Variants in ANTXR1 observed in about 807,000 individuals in gnomAD.
ANTXR1 encodes anthrax toxin receptor 1.
Under a neutral mutation model 78.1 loss-of-function variants are expected in ANTXR1, and 19 were observed. That is an observed-to-expected ratio of 0.24 (90% CI 0.17 to 0.36). The LOEUF (loss-of-function observed/expected upper bound fraction) is 0.36. Ranked by LOEUF, ANTXR1 falls within the 10% of genes least tolerant of loss-of-function variation. ANTXR1 has a pLI of 1.00. For missense variants in ANTXR1, 518 were observed against 718.6 expected (o/e 0.72, Z 3.19); for synonymous variants, 273 against 260.5 (o/e 1.05, Z -0.46).
intron 16 of ANTXR1, among the ~76,000 whole-genome samples, chr2:69,185,153 A>G (rs1258166046): frequency 6.6e-6 from 1 of 152,240 alleles, no homozygotes; most frequent in Non-Finnish European, 1.5e-5. Context: ...AGAACTTGTT[A>G]GAAATGGACA....
chr2:69,161,270 A>G (rs1225525914), intron 13 of ANTXR1, among the ~76,000 whole-genome samples: 3 of 152,188 alleles, frequency 2.0e-5, no homozygotes, highest in African/African-American at 7.2e-5. Context: ...CCTGTGGACT[A>G]ATGGTAAAGC....
chr2:69,122,919 G>A (rs1160160255), intron 10 of ANTXR1, 98 bp from the exon 11 acceptor site: 1 of 1,319,978 alleles, frequency 7.6e-7, no homozygotes, highest in East Asian at 2.3e-5. Flanking sequence ...TGTTTTTTTG[G>A]TATCTCCCTG....
chr2:69,061,740 C>T (rs1399304793), intron 3 of ANTXR1, among the ~76,000 whole-genome samples: 1 of 151,980 alleles, frequency 6.6e-6, no homozygotes, highest in African/African-American at 2.4e-5. Context: ...GATGTGGGAT[C>T]AAAGAGGACT....
chr2:69,195,443 T>C (rs2104478633), intron 17 of ANTXR1, among the ~76,000 whole-genome samples: 1 of 152,314 alleles, frequency 6.6e-6, no homozygotes, highest in Non-Finnish European at 1.5e-5. Flanking sequence ...TGGTCTAAAG[T>C]TTCATAGTTT....
intron 3 of ANTXR1, among the ~76,000 whole-genome samples, chr2:69,065,600 T>C (rs571823184): frequency 6.6e-4 from 101 of 152,272 alleles, no homozygotes; most frequent in African/African-American, 2.3e-3. Context: ...AACAAATATC[T>C]GGGCATGTTA....
At chr2:69,123,187 C>T in intron 11 of ANTXR1, 101 bp downstream of exon 11, 1 of 1,223,474 alleles carries the variant, frequency 8.2e-7, no homozygotes, top group Non-Finnish European at 1.2e-6. Context: ...TGGAGCCTTT[C>T]TCTAGGTTCC....
chr2:69,079,513 C>CAAT (rs1558523481), intron 8 of ANTXR1, among the ~76,000 whole-genome samples: 3 of 151,228 alleles, frequency 2.0e-5, no homozygotes, highest in African/African-American at 7.3e-5. Context: ...ACTCAGGGGT[C>CAAT]AATAATAATA....
At chr2:69,143,761 A>G (rs1189630012) in intron 12 of ANTXR1, among the ~76,000 whole-genome samples, 2 of 152,170 alleles carry the variant, frequency 1.3e-5, no homozygotes, top group Non-Finnish European at 2.9e-5. Flanking sequence ...AAAGAGGAGG[A>G]AAAAGATGAC....
intron 12 of ANTXR1, among the ~76,000 whole-genome samples, chr2:69,126,494 G>A (rs1672545030): frequency 1.3e-5 from 2 of 152,102 alleles, no homozygotes; most frequent in African/African-American, 4.8e-5. Context: ...CTGCCAACCT[G>A]CAGGAAATGA....
At chr2:69,188,382 A>G (rs1230467509) in intron 16 of ANTXR1, among the ~76,000 whole-genome samples, 4 of 152,220 alleles carry the variant, frequency 2.6e-5, no homozygotes, top group Non-Finnish European at 2.9e-5. Flanking sequence ...GGCATGTGCC[A>G]CCGTGCCCGG....
At chr2:69,187,959 G>A (rs1674460584) in intron 16 of ANTXR1, among the ~76,000 whole-genome samples, 1 of 138,560 alleles carries the variant, frequency 7.2e-6, no homozygotes, top group African/African-American at 2.7e-5. Flanking sequence ...ACTACTCTCA[G>A]AATTCTCAAT....
Position 69,210,873 on chromosome 2 carries a change from T to G in ANTXR1, c.1434+17458T>G, listed in dbSNP as rs190986868. ...ATCACTTGAACATGGGAGGTGGAGG[T>G]TGCAGTGAGCTGAGATCGTGCCACT... On this transcript the variant is annotated intron_variant, in intron 17 of 17. Coordinates refer to ENST00000303714, the MANE Select transcript of ANTXR1 (RefSeq NM_032208.3). 4.4e-3 allele frequency among the ~76,000 whole-genome samples: 651 copies of G among 149,184 alleles called. 4 individuals carry two copies. The highest frequency in any genetic ancestry group is 0.016 in the African/African-American group (623 of 40,164).
At chr2:69,026,439 A>G (rs763991770) in intron 1 of ANTXR1, among the ~76,000 whole-genome samples, 1 of 152,246 alleles carries the variant, frequency 6.6e-6, no homozygotes, top group Non-Finnish European at 1.5e-5. Flanking sequence ...GCTAGCTGTT[A>G]TTATTAAGTG....
intron 17 of ANTXR1, among the ~76,000 whole-genome samples, chr2:69,199,009 G>T (rs757527690): frequency 3.3e-5 from 5 of 152,216 alleles, no homozygotes; most frequent in Non-Finnish European, 7.3e-5. Flanking sequence ...TCATCAGAAA[G>T]AATTGAAGGA....
intron 13 of ANTXR1, among the ~76,000 whole-genome samples, chr2:69,161,323 T>A (rs1423032416): frequency 6.6e-6 from 1 of 152,150 alleles, no homozygotes; most frequent in Non-Finnish European, 1.5e-5. Context: ...AATTGGGCCT[T>A]TTAAATAGTC....
chr2:69,102,971 C>T (rs775671193), intron 10 of ANTXR1, 31 bp downstream of exon 10: 6 of 1,598,760 alleles, frequency 3.8e-6, no homozygotes, highest in African/African-American at 1.3e-5. Context: ...TGGGTTTCTT[C>T]GACAAGTGGC....
chr2:69,150,771 C>A (rs1009895145), intron 12 of ANTXR1, among the ~76,000 whole-genome samples: 1 of 151,948 alleles, frequency 6.6e-6, no homozygotes, highest in Admixed American at 6.6e-5. Context: ...ATAGTCCCAG[C>A]AGAGTGGGAG....
chr2:69,089,979 G>C (rs1356965901), intron 8 of ANTXR1, among the ~76,000 whole-genome samples: 1 of 152,146 alleles, frequency 6.6e-6, no homozygotes, highest in African/African-American at 2.4e-5. Flanking sequence ...CCCCACTCTA[G>C]CCAGCAAAAG....
intron 13 of ANTXR1, among the ~76,000 whole-genome samples, chr2:69,152,512 C>T (rs556809930): frequency 1.3e-5 from 2 of 152,194 alleles, no homozygotes; most frequent in Admixed American, 6.5e-5. Context: ...CTGGGGTGGC[C>T]GCTTTAGTTC....
Sources: allele counts gnomAD v4.1 joint callset (sites outside exome capture counted in the v4.1 genomes callset), GRCh38; gene constraint gnomAD v4.1.1; transcripts MANE v1.5; gene names NCBI Gene and HGNC (gene_info 2026-07-23, HGNC 2026-07-21).